FOXN3: variants seen among roughly 807,000 people sequenced by gnomAD.
The protein encoded by FOXN3 is forkhead box protein N3.
Under a neutral mutation model 38.4 loss-of-function variants are expected in FOXN3, and 7 were observed. The observed-to-expected ratio is 0.18, with a 90% CI of 0.10 to 0.34. The LOEUF (loss-of-function observed/expected upper bound fraction) is 0.34. Among genes scored for constraint, FOXN3 ranks in the 10% least tolerant of loss-of-function variants. The pLI, the probability that FOXN3 is intolerant of heterozygous loss-of-function variation, is 1.00. For synonymous variants in FOXN3, 230 were observed against 242.2 expected (o/e 0.95, Z 0.47); for missense variants, 456 against 613.4 (o/e 0.74, Z 2.71).
chr14:89,397,759 A>G (rs988325134), intron 2 of FOXN3, among the ~76,000 whole-genome samples: 7 of 152,234 alleles, frequency 4.6e-5, no homozygotes, highest in African/African-American at 1.4e-4. Context: ...CAATTTAGCA[A>G]GCCACTGAAC....
At chr14:89,230,428 C>T (rs59058749) in intron 4 of FOXN3, among the ~76,000 whole-genome samples, 27,547 of 152,172 alleles carry the variant, frequency 0.18, 2,524 homozygotes, top group East Asian at 0.3. Context: ...CTAAAGCACT[C>T]GTGTGCCCCT....
chr14:89,310,482 A>G (rs1227094304), intron 3 of FOXN3, among the ~76,000 whole-genome samples: 1 of 152,206 alleles, frequency 6.6e-6, no homozygotes. Context: ...TTGGCACGAA[A>G]GCCACTTTGA....
At chr14:89,260,348 T>C (rs1385205699) in intron 4 of FOXN3, among the ~76,000 whole-genome samples, 2 of 152,244 alleles carry the variant, frequency 1.3e-5, no homozygotes, top group Non-Finnish European at 2.9e-5. Flanking sequence ...TCACTCCCGG[T>C]GAGGCCAGGT....
chr14:89,377,091 T>A (rs1221856981), intron 2 of FOXN3, among the ~76,000 whole-genome samples: 1 of 131,724 alleles, frequency 7.6e-6, no homozygotes, highest in Admixed American at 8.1e-5. Flanking sequence ...CTGACTTCCA[T>A]GGGACACAAG....
intron 4 of FOXN3, among the ~76,000 whole-genome samples, chr14:89,241,290 G>A (rs1253479199): frequency 6.6e-6 from 1 of 152,218 alleles, no homozygotes; most frequent in Admixed American, 6.5e-5. Flanking sequence ...TACTTGGCCT[G>A]TAAATTATTC....
At chr14:89,169,135 G>C (rs1194051809) in intron 5 of FOXN3, among the ~76,000 whole-genome samples, 1 of 152,136 alleles carries the variant, frequency 6.6e-6, no homozygotes, top group African/African-American at 2.4e-5. Context: ...GATGTAAGCA[G>C]AAATGATCAG....
At chr14:89,479,965 T>A (rs1334816962) in intron 1 of FOXN3, among the ~76,000 whole-genome samples, 1 of 152,202 alleles carries the variant, frequency 6.6e-6, no homozygotes, top group Non-Finnish European at 1.5e-5. Context: ...CATTTATGAC[T>A]CAAGCATACC....
intron 1 of FOXN3, among the ~76,000 whole-genome samples, chr14:89,511,752 T>G (rs934327582): frequency 6.6e-6 from 1 of 152,016 alleles, no homozygotes; most frequent in Admixed American, 6.6e-5. Context: ...AGAAAAGAAG[T>G]TTAATTGACT....
chr14:89,523,008 A>G, intron 1 of FOXN3, among the ~76,000 whole-genome samples: 1 of 152,180 alleles, frequency 6.6e-6, no homozygotes, highest in Non-Finnish European at 1.5e-5. Flanking sequence ...CTACGTTAAA[A>G]GCAAAAGGAT....
intron 1 of FOXN3, among the ~76,000 whole-genome samples, chr14:89,607,260 G>A (rs984576609): frequency 3.3e-5 from 5 of 152,100 alleles, no homozygotes; most frequent in African/African-American, 1.2e-4. Flanking sequence ...CCACCAAGTG[G>A]CTAAGACTCA....
rs545009732 is a variant in FOXN3, at chr14:89,352,722, G to C, written c.544-1914C>G. ...TCTCATCATGGTGGCTTTCAGGGTG[G>C]GACCATTTAATCTTAACGCTACAAA... On this transcript the variant is annotated intron_variant, in intron 2 of 5. Coordinates refer to ENST00000557258, the MANE Select transcript of FOXN3 (RefSeq NM_005197.4). Among the ~76,000 whole-genome samples the C allele has an allele frequency of 7.4e-3, 1,121 of 152,256 alleles. 22 individuals are homozygous for C. The highest frequency in any genetic ancestry group is 0.025 in the African/African-American group (1,056 of 41,520).
chr14:89,591,724 A>G (rs1895956325), intron 1 of FOXN3, among the ~76,000 whole-genome samples: 1 of 152,200 alleles, frequency 6.6e-6, no homozygotes, highest in African/African-American at 2.4e-5. Context: ...CAGGAGTTCA[A>G]CGCCGGCCTG....
chr14:89,521,592 G>A (rs1427676541), intron 1 of FOXN3, among the ~76,000 whole-genome samples: 1 of 152,018 alleles, frequency 6.6e-6, no homozygotes, highest in Non-Finnish European at 1.5e-5. Context: ...GAGACACTAA[G>A]TCAATATGAA....
In FOXN3 at chr14:89,548,075, C is replaced by T. The variant is rs1293111622; in HGVS notation, c.-15+70953G>A. Among the ~76,000 whole-genome samples the T allele has an allele frequency of 1.3e-5, 2 of 152,126 alleles. No homozygotes were observed. Among genetic ancestry groups the T allele is most frequent in the African/African-American group, 4.8e-5 (2 of 41,416 alleles). The stretch of plus-strand genomic sequence containing the variant: ...AGACAGCATTCAACACTGGACACAC[C>T]TCTGTTCAATTATTCACGATAGAAC... On this transcript the variant is annotated intron_variant, in intron 1 of 6. Coordinates refer to the FOXN3 transcript ENST00000345097. The surrounding 1 kb of genome is among the most constrained non-coding windows in gnomAD (Gnocchi z 4.8).
At chr14:89,369,579 A>G (rs1447846194) in intron 2 of FOXN3, among the ~76,000 whole-genome samples, 1 of 151,526 alleles carries the variant, frequency 6.6e-6, no homozygotes, top group Non-Finnish European at 1.5e-5. Context: ...GGTTTAATGG[A>G]CTCACAATTC....
intron 1 of FOXN3, among the ~76,000 whole-genome samples, chr14:89,594,613 A>G (rs139757345): frequency 1.8e-4 from 28 of 152,336 alleles, no homozygotes; most frequent in African/African-American, 6.5e-4. Flanking sequence ...CCTTCATATA[A>G]GCCTTTTGTA....
At chr14:89,533,783 T>C (rs1039080715) in intron 1 of FOXN3, among the ~76,000 whole-genome samples, 1 of 151,708 alleles carries the variant, frequency 6.6e-6, no homozygotes, top group African/African-American at 2.4e-5. Context: ...GCATACTGCC[T>C]GGTCTTCCCT....
chr14:89,332,870 C>CA (rs1252821802), intron 3 of FOXN3, among the ~76,000 whole-genome samples: 4 of 152,040 alleles, frequency 2.6e-5, no homozygotes, highest in Non-Finnish European at 5.9e-5. Flanking sequence ...CAAAACAAAA[C>CA]AAAAAACTAA....
At chr14:89,259,183 A>G (rs1455949917) in intron 4 of FOXN3, among the ~76,000 whole-genome samples, 4 of 152,240 alleles carry the variant, frequency 2.6e-5, no homozygotes, top group Non-Finnish European at 5.9e-5. Context: ...TGCTTTGCCT[A>G]GAGAGATGTT....
Sources: allele counts gnomAD v4.1 joint callset (sites outside exome capture counted in the v4.1 genomes callset), GRCh38; gene constraint gnomAD v4.1.1; non-coding constraint Gnocchi (gnomAD v3.1); transcripts MANE v1.5; gene names NCBI Gene and HGNC (gene_info 2026-07-23, HGNC 2026-07-21).